Variants in PROM1 observed in about 807,000 individuals in gnomAD.
PROM1 encodes the protein prominin 1.
Under a neutral mutation model 116.9 loss-of-function variants are expected in PROM1, and 105 were observed. The ratio of observed to expected loss-of-function variants is 0.90; its 90% CI spans 0.77 to 1.06. PROM1 has a LOEUF of 1.06. Among genes scored for constraint, PROM1 ranks in the 50% least tolerant of loss-of-function variants. The probability of loss-of-function intolerance (pLI) is 0.00; values close to 1 mark genes in which losing one functional copy is unlikely to be tolerated. For missense variants in PROM1, 1,122 were observed against 1,045.2 expected (o/e 1.07, Z -1.01); for synonymous variants, 393 against 387.0 (o/e 1.02, Z -0.18).
chr4:16,018,429 C>A lies in PROM1; in HGVS notation c.896G>T (p.Arg299Leu). Residue 299 changes from arginine (R) to leucine (L), a missense_variant, in exon 9 of 28, where the codon CGG becomes CTG. Transcript: ENST00000447510. ...SSLTSVKTSL[R>L]SSLNDPLCLV... ...GCACAGAGGGTCATTGAGAGATGAC[C>A]GCAGGCTAGTTTTCACGCTGGTCAG... 1 of 1,613,830 alleles carries A rather than the reference C, an allele frequency of 6.2e-7. No homozygotes were observed. Among genetic ancestry groups the A allele is most frequent in the Non-Finnish European group, 8.5e-7 (1 of 1,179,888 alleles).
intron 2 of PROM1, among the ~76,000 whole-genome samples, chr4:16,060,467 C>T (rs1199020896): frequency 6.6e-6 from 1 of 152,158 alleles, no homozygotes; most frequent in Non-Finnish European, 1.5e-5. Context: ...GCACGTGCTA[C>T]CACGCCCGGC....
chr4:16,075,805 A>G lies in PROM1; in HGVS notation c.102T>C (p.Tyr34=), dbSNP rs1743839237. The change falls in exon 2 of 28, where the codon TAT becomes TAC. Residue 34 remains tyrosine, a synonymous_variant. Coordinates refer to ENST00000447510, the MANE Select transcript of PROM1 (RefSeq NM_006017.3). Reference sequence around the variant, plus strand: ...TCTCATAATTTGTTGCAGGCAATTCATAATTCCAAGCCTTAGGAGCATCTG... The same window carrying G: ...TCTCATAATTTGTTGCAGGCAATTCGTAATTCCAAGCCTTAGGAGCATCTG... The part of the protein sequence containing the change: ...SSTDAPKAWN[Y]ELPATNYETQ... The G allele has an allele frequency of 1.2e-6, 2 of 1,613,718 alleles. No individual in the cohort carries two copies. The highest frequency in any genetic ancestry group is 1.6e-4 in the Middle Eastern group (1 of 6,084).
rs1013169427 is a variant in PROM1, at chr4:15,973,802, C to T, written c.2583-2720G>A. ...GGAGAATAGGAGAAATAGCTCAAATCATAGCTTGGCCCTGGCTAGCTGTAG... is the reference window on the plus strand; with the variant it reads ...GGAGAATAGGAGAAATAGCTCAAATTATAGCTTGGCCCTGGCTAGCTGTAG... On this transcript the variant is annotated intron_variant, in intron 26 of 27. Transcript: ENST00000447510. 3.3e-5 allele frequency among the ~76,000 whole-genome samples: 5 copies of T among 152,156 alleles called. No individual in the cohort carries two copies. The South Asian group carries it at 1.0e-3, about 32-fold the overall frequency.
chr4:16,034,156 C>T (rs1249713454), intron 4 of PROM1, among the ~76,000 whole-genome samples: 4 of 152,074 alleles, frequency 2.6e-5, no homozygotes, highest in South Asian at 4.1e-4. Context: ...ACATATAAGG[C>T]GCTTTGCACA....
chr4:16,009,969 CAG>C (rs1338855998), intron 11 of PROM1, among the ~76,000 whole-genome samples: 2 of 140,890 alleles, frequency 1.4e-5, no homozygotes, highest in African/African-American at 5.3e-5. Context: ...TCTTCAGGAA[CAG>C]AGTAATTCTC....
chr4:15,973,566 C>A (rs1715245849), intron 26 of PROM1, among the ~76,000 whole-genome samples: 1 of 152,114 alleles, frequency 6.6e-6, no homozygotes, highest in Non-Finnish European at 1.5e-5. Flanking sequence ...GTTTTTTTCT[C>A]CACATTGTTT....
At position 15,998,409 on chromosome 4, in the gene PROM1, T is replaced by C; in HGVS notation, c.1658A>G (p.Lys553Arg). Residue 553 changes from lysine (K) to arginine (R), a missense_variant, in exon 15 of 28, where the codon AAG becomes AGG. Physicochemically the swap from Lys to Arg is conservative, Grantham distance 26. Transcript: ENST00000447510. ...CCTGTAAACTTGTTCAAAAGTGAGC[T>C]TCATTTTTGATTTATTAAATAGCTT... ...SGKLFNKSKM[K>R]LTFEQVYSDC... 2 of 1,604,862 alleles carry C rather than the reference T, an allele frequency of 1.2e-6. No individual in the cohort carries two copies. The highest frequency in any genetic ancestry group is 1.7e-6 in the Non-Finnish European group (2 of 1,177,350).
chr4:16,023,726 G>T (rs1489472167), intron 7 of PROM1, among the ~76,000 whole-genome samples: 1 of 152,142 alleles, frequency 6.6e-6, no homozygotes, highest in East Asian at 1.9e-4. Flanking sequence ...CACTCTGGTG[G>T]GGGCTGTTGT....
chr4:16,074,513 G>C, intron 2 of PROM1, among the ~76,000 whole-genome samples: 1 of 105,392 alleles, frequency 9.5e-6, no homozygotes, highest in East Asian at 2.6e-4. Flanking sequence ...TCTGTCTTTG[G>C]AATTTCCAAA....
intron 2 of PROM1, among the ~76,000 whole-genome samples, chr4:16,044,708 T>C (rs936104951): frequency 2.0e-5 from 3 of 152,244 alleles, no homozygotes; most frequent in Admixed American, 6.5e-5. Context: ...ACATGCATCA[T>C]TTTTGTAAAT....
chr4:15,974,096 C>G (rs1194734451), intron 26 of PROM1, among the ~76,000 whole-genome samples: 2 of 136,434 alleles, frequency 1.5e-5, no homozygotes, highest in African/African-American at 2.6e-5. Context: ...CACACACACA[C>G]AGACACACAC....
At chr4:16,077,132 T>C (rs1744133032) in intron 1 of PROM1, among the ~76,000 whole-genome samples, 1 of 152,092 alleles carries the variant, frequency 6.6e-6, no homozygotes, top group African/African-American at 2.4e-5. Context: ...GCATGCCTCT[T>C]GCAGTTGAGA....
intron 10 of PROM1, among the ~76,000 whole-genome samples, chr4:16,015,345 CAAAAAAAA>C (rs71649934): frequency 5.8e-5 from 3 of 51,552 alleles, no homozygotes; most frequent in South Asian, 1.3e-3. Context: ...GACTCCATCT[CAAAAAAAA>C]AAAAAAAAAA....
chr4:16,039,096 A>G, intron 2 of PROM1, 95 bp from the exon 3 acceptor site: 1 of 991,404 alleles, frequency 1.0e-6, no homozygotes, highest in Non-Finnish European at 1.4e-6. Flanking sequence ...AAAAATTATT[A>G]TACCTATATT....
intron 19 of PROM1, 75 bp downstream of exon 19, chr4:15,989,657 G>A: frequency 8.1e-7 from 1 of 1,239,194 alleles, no homozygotes; most frequent in South Asian, 1.3e-5. Context: ...GTGTCGTGAG[G>A]CTAAATGAAA....
chr4:16,045,234 C>T (rs995787181), intron 2 of PROM1, among the ~76,000 whole-genome samples: 6 of 152,118 alleles, frequency 3.9e-5, no homozygotes, highest in African/African-American at 9.7e-5. Context: ...TTCTGGCCAG[C>T]GGAACACAGA....
intron 17 of PROM1, 70 bp from the exon 18 acceptor site, chr4:15,991,363 G>T: frequency 2.0e-6 from 2 of 1,019,284 alleles, no homozygotes; most frequent in Non-Finnish European, 2.8e-6. Context: ...CATCTAGTAG[G>T]CAACAGATTA....
intron 17 of PROM1, 134 bp from the exon 18 acceptor site, chr4:15,991,427 G>A: frequency 1.8e-6 from 1 of 567,746 alleles, no homozygotes; most frequent in East Asian, 3.4e-5. Flanking sequence ...CTCTTAAACA[G>A]GTGGCAACAT....
chr4:16,012,667 G>A lies in PROM1; in HGVS notation c.1141+608C>T, dbSNP rs374875896. ...AGGTAGATCATGAGGTCAGGAGATCGAGACCATCCTGGCTAACACAGTGAA... is the reference window on the plus strand; with the variant it reads ...AGGTAGATCATGAGGTCAGGAGATCAAGACCATCCTGGCTAACACAGTGAA... On this transcript the variant is annotated intron_variant, in intron 11 of 27. Coordinates refer to ENST00000447510, the MANE Select transcript of PROM1 (RefSeq NM_006017.3). Among the ~76,000 whole-genome samples the A allele has an allele frequency of 5.3e-3, 806 of 151,928 alleles. 4 individuals are homozygous for A. The highest frequency in any genetic ancestry group is 0.018 in the African/African-American group (762 of 41,444).
Sources: gnomAD v4.1 joint callset for allele counts (sites outside exome capture counted in the v4.1 genomes callset) on GRCh38, gnomAD v4.1.1 for gene constraint, MANE v1.5 for transcripts, NCBI Gene and HGNC (gene_info 2026-07-23, HGNC 2026-07-21) for gene names.